The following ESR2 variants were observed in gnomAD, a reference collection of about 807,000 sequenced individuals.
ESR2 encodes the protein estrogen receptor 2.
In ESR2, 36 loss-of-function variants were observed where a neutral mutation model predicts 49.6. The ratio of observed to expected loss-of-function variants is 0.73; its 90% CI spans 0.56 to 0.96. The LOEUF is 0.96. Among genes scored for constraint, ESR2 ranks in the 40% least tolerant of loss-of-function variants. ESR2 has a pLI of 0.00. For synonymous variants in ESR2, 320 were observed against 266.1 expected (o/e 1.20, Z -1.97); for missense variants, 714 against 693.0 (o/e 1.03, Z -0.34).
intron 1 of ESR2, among the ~76,000 whole-genome samples, chr14:64,316,434 T>C (rs1286786167): frequency 5.3e-5 from 8 of 152,122 alleles, no homozygotes; most frequent in Non-Finnish European, 1.0e-4. Context: ...TTCCAAAAAA[T>C]AGACACAGAG....
intron 1 of ESR2, among the ~76,000 whole-genome samples, chr14:64,292,167 A>G (rs1441582724): frequency 6.6e-6 from 1 of 152,236 alleles, no homozygotes; most frequent in Non-Finnish European, 1.5e-5. Flanking sequence ...CCAAGGTACT[A>G]GAATTAAAAA....
intron 4 of ESR2, among the ~76,000 whole-genome samples, chr14:64,262,743 TC>T (rs1371400094): frequency 6.6e-6 from 1 of 152,078 alleles, no homozygotes; most frequent in East Asian, 1.9e-4. Context: ...AAACCCCATC[TC>T]TACTAATAAT....
Position 64,301,886 on chromosome 14 carries a change from C to G in ESR2, c.-90-18811G>C, listed in dbSNP as rs141031939. ...AGAGATCCTCAGATTGAAGGACTTC[C>G]CAGGTGTACAGAAGCCTTGGCCTAA... On this transcript the variant is annotated intron_variant, in intron 1 of 8. Transcript: ENST00000358599. 5.5e-3 allele frequency among the ~76,000 whole-genome samples: 840 copies of G among 152,084 alleles called. 8 individuals carry two copies. Among genetic ancestry groups the G allele is most frequent in the African/African-American group, 0.019 (794 of 41,468 alleles).
chr14:64,240,070 C>T (rs910961285), intron 7 of ESR2, among the ~76,000 whole-genome samples: 1 of 152,190 alleles, frequency 6.6e-6, no homozygotes, highest in African/African-American at 2.4e-5. Flanking sequence ...ATTTCCATTC[C>T]ATATTATAGC....
chr14:64,328,798 T>C (rs1412166534), intron 1 of ESR2, among the ~76,000 whole-genome samples: 1 of 152,180 alleles, frequency 6.6e-6, no homozygotes, highest in Non-Finnish European at 1.5e-5. Context: ...AAGAAATATT[T>C]AGCAATTTGT....
chr14:64,281,157 G>T (rs2076659995), intron 2 of ESR2, among the ~76,000 whole-genome samples: 1 of 152,162 alleles, frequency 6.6e-6, no homozygotes, highest in Admixed American at 6.5e-5. Context: ...ACAAGCAAGT[G>T]CCTGGCCTGG....
chr14:64,233,289 A>G lies in ESR2; in HGVS notation c.1441T>C (p.Cys481Arg). 6.2e-7 allele frequency: 1 copy of G among 1,614,024 alleles called. No homozygotes were observed. Among genetic ancestry groups the G allele is most frequent in the African/African-American group, 1.3e-5 (1 of 75,010 alleles). ...TCATACACTGGGACCACATTTTTGCACTTCATGTTGAGCAGATGTTCCATG... is the reference window on the plus strand; with the variant it reads ...TCATACACTGGGACCACATTTTTGCGCTTCATGTTGAGCAGATGTTCCATG... Reference protein sequence around the residue: ...KGMEHLLNMKCKNVVPVYDLL... With the variant: ...KGMEHLLNMKRKNVVPVYDLL... Residue 481 changes from cysteine to arginine, a missense_variant, in exon 9 of 9, where the codon TGC becomes CGC. Physicochemically the swap from Cys to Arg is radical, Grantham distance 180 (BLOSUM62 -3). Coordinates refer to ENST00000341099, the MANE Select transcript of ESR2 (RefSeq NM_001437.3).
At chr14:64,280,940 C>G (rs2076653983) in intron 2 of ESR2, among the ~76,000 whole-genome samples, 1 of 152,090 alleles carries the variant, frequency 6.6e-6, no homozygotes, top group Non-Finnish European at 1.5e-5. Flanking sequence ...ACCCGGGAGG[C>G]AGAGGTTGCA....
downstream of ESR2, chr14:64,227,775 T>C: frequency 6.5e-7 from 1 of 1,537,830 alleles, no homozygotes; most frequent in Non-Finnish European, 8.7e-7. Flanking sequence ...GCAGCTTCTT[T>C]CACTCAAAGC....
intron 5 of ESR2, 154 bp downstream of exon 5, chr14:64,260,295 G>C (rs2076186093): frequency 1.2e-6 from 1 of 821,996 alleles, no homozygotes; most frequent in Non-Finnish European, 2.2e-6. Flanking sequence ...CAGAAGGAAG[G>C]AACATATTGC....
rs770823059 is a variant in ESR2 at position 64,322,279 on chromosome 14, G to A, written c.-91+15619C>T. Among the ~76,000 whole-genome samples, 10 of 151,970 alleles carry A rather than the reference G, an allele frequency of 6.6e-5. No individual in the cohort carries two copies. The East Asian group carries it at 7.7e-4, about 12-fold the overall frequency. On this transcript the variant is annotated intron_variant, in intron 1 of 8. Transcript: ENST00000358599. ...TTGCCATCTTGGCCAGGCTGGTCTCGAACTCCTGACCTCAGGTGATCCACC... is the reference window on the plus strand; with the variant it reads ...TTGCCATCTTGGCCAGGCTGGTCTCAAACTCCTGACCTCAGGTGATCCACC...
chr14:64,231,436 G>A lies in ESR2; in HGVS notation c.*1701C>T, dbSNP rs1001405569. ...CCTGCCTGTACTAAATCTTACTAAA[G>A]CTGTAACTGAGTCTCTAAGAATAAC... On this transcript the variant is annotated 3_prime_UTR_variant, in exon 9 of 9. Transcript: ENST00000341099. The A allele has an allele frequency of 3.9e-5, 6 of 152,184 alleles. No homozygotes were observed. The highest frequency in any genetic ancestry group is 1.2e-4 in the African/African-American group (5 of 41,444). 9.4% of individuals were successfully genotyped at this position (152,184 alleles called of 1,614,324 possible).
chr14:64,319,878 C>T (rs952746372), intron 1 of ESR2, among the ~76,000 whole-genome samples: 1 of 152,144 alleles, frequency 6.6e-6, no homozygotes, highest in Non-Finnish European at 1.5e-5. Context: ...TTGGCAGTTT[C>T]TAACAAAACT....
intron 1 of ESR2, among the ~76,000 whole-genome samples, chr14:64,291,435 A>G (rs1310870564): frequency 1.3e-5 from 2 of 152,210 alleles, no homozygotes; most frequent in Non-Finnish European, 2.9e-5. Context: ...GCCACTCTGC[A>G]TATCCTAGTT....
chr14:64,244,385 G>A (rs1212104637), intron 7 of ESR2, among the ~76,000 whole-genome samples: 2 of 146,012 alleles, frequency 1.4e-5, no homozygotes, highest in Admixed American at 1.4e-4. Flanking sequence ...GAGTAACAAA[G>A]CAAGACTTCA....
rs758917240 is a variant in ESR2, at chr14:64,235,152, T to A, written c.1226-2A>T. ...TCGCTGTGACCAGAGGGTACATACC[T>A]GGACAAAGAATAAAAGCCAGAAGTC... On this transcript the variant is annotated splice_acceptor_variant, in intron 7 of 8. Transcript: ENST00000341099. LOFTEE classifies it high-confidence loss of function. 16 of 1,609,716 alleles carry A rather than the reference T, an allele frequency of 9.9e-6. No individual in the cohort carries two copies. The East Asian group carries it at 3.6e-4, about 36-fold the overall frequency.
At chr14:64,321,677 A>G (rs757567559) in intron 1 of ESR2, among the ~76,000 whole-genome samples, 8 of 152,220 alleles carry the variant, frequency 5.3e-5, no homozygotes, top group Non-Finnish European at 7.3e-5. Flanking sequence ...GGCAATTTGT[A>G]GAAAAGAAAA....
intron 7 of ESR2, among the ~76,000 whole-genome samples, chr14:64,244,670 C>CCCTA (rs2075811701): frequency 6.6e-6 from 1 of 152,204 alleles, no homozygotes; most frequent in African/African-American, 2.4e-5. Context: ...ACCACCAGCT[C>CCCTA]CCTAGTTCTC....
chr14:64,242,320 T>C (rs2075744749), intron 7 of ESR2, among the ~76,000 whole-genome samples: 1 of 151,544 alleles, frequency 6.6e-6, no homozygotes, highest in African/African-American at 2.4e-5. Context: ...TGAGACAGAA[T>C]TGATTGAACC....
Sources: allele counts gnomAD v4.1 joint callset (sites outside exome capture counted in the v4.1 genomes callset), GRCh38; gene constraint gnomAD v4.1.1; transcripts MANE v1.5; gene names NCBI Gene and HGNC (gene_info 2026-07-23, HGNC 2026-07-21).